Variants in EXD1 observed in about 807,000 individuals in gnomAD.
The protein encoded by EXD1 is piRNA biogenesis protein EXD1.
A neutral mutation model predicts 49.1 loss-of-function variants in EXD1; 63 were observed. That is an observed-to-expected ratio of 1.28 (90% CI 1.05 to 1.58). The LOEUF (loss-of-function observed/expected upper bound fraction) is 1.58, where lower values mean the gene tolerates loss of function less well. Ranked by LOEUF, EXD1 falls within the 40% of genes most tolerant of loss-of-function variation. EXD1 has a pLI of 0.00. For synonymous variants in EXD1, 234 were observed against 239.2 expected (o/e 0.98, Z 0.20); for missense variants, 748 against 666.0 (o/e 1.12, Z -1.36).
At chr15:41,220,998 G>A (rs1224006762) in intron 2 of EXD1, among the ~76,000 whole-genome samples, 5 of 151,770 alleles carry the variant, frequency 3.3e-5, no homozygotes, top group South Asian at 2.1e-4. Context: ...GTAAGCCACC[G>A]TGCCCAGCCT....
intron 7 of EXD1, among the ~76,000 whole-genome samples, chr15:41,200,879 AT>A (rs202230273): frequency 8.8e-4 from 127 of 144,842 alleles, no homozygotes; most frequent in Admixed American, 8.3e-4. Flanking sequence ...AGAATGTTCT[AT>A]TTTTTTTTTT....
intron 11 of EXD1, 58 bp downstream of exon 11, chr15:41,189,879 T>G: frequency 6.5e-7 from 1 of 1,549,196 alleles, no homozygotes; most frequent in Non-Finnish European, 8.9e-7. Context: ...GGTATCACTG[T>G]GTCTGCCTTC....
chr15:41,210,706 C>T (rs961223352), intron 6 of EXD1, among the ~76,000 whole-genome samples: 2 of 151,952 alleles, frequency 1.3e-5, no homozygotes, highest in Non-Finnish European at 1.5e-5. Flanking sequence ...ACCCCAGGTA[C>T]ACACTCTTGT....
At chr15:41,186,809 T>C (rs2046415126) in intron 11 of EXD1, among the ~76,000 whole-genome samples, 1 of 152,090 alleles carries the variant, frequency 6.6e-6, no homozygotes, top group South Asian at 2.1e-4. Context: ...AGTTTTGCTC[T>C]TGTTGCCCAG....
At chr15:41,220,473 T>C (rs982349616) in intron 2 of EXD1, among the ~76,000 whole-genome samples, 4 of 152,120 alleles carry the variant, frequency 2.6e-5, no homozygotes, top group Non-Finnish European at 5.9e-5. Flanking sequence ...TTAGCCAGGA[T>C]TGGCTCGATC....
rs2046354554 is a variant in EXD1 at position 41,183,570 on chromosome 15, G to A, written c.*361C>T. 5.8e-6 allele frequency: 1 copy of A among 171,858 alleles called. No individual in the cohort carries two copies. The highest frequency in any genetic ancestry group is 6.2e-5 in the Admixed American group (1 of 16,230). The allele number at this position is 171,858 out of a possible 1,614,324, so 10.6% of individuals were successfully genotyped here. ...AATAGTTTTACCAGGTCTCTTCAAAGGAATCCAAAAGTCAAGAAGCAAAAC... is the reference window on the plus strand; with the variant it reads ...AATAGTTTTACCAGGTCTCTTCAAAAGAATCCAAAAGTCAAGAAGCAAAAC... On this transcript the variant is annotated 3_prime_UTR_variant, in exon 12 of 12. Coordinates refer to ENST00000458580, the MANE Select transcript of EXD1 (RefSeq NM_001286441.2).
Position 41,189,940 on chromosome 15 carries a change from A to G in EXD1, c.1053T>C (p.Thr351=), listed in dbSNP as rs2046478911. The change falls in exon 11 of 12, where the codon ACT becomes ACC. Residue 351 remains threonine (T), a synonymous_variant. Transcript: ENST00000458580. ...GAAGACAGAGAGCTGCACCTACCTC[A>G]GTGCCTCCAAGCCGGTCTGCAGACC... ...REGSADRLGG[T]EPTCMELPEE... is the part of the protein sequence containing the mutation. 2 of 1,613,610 alleles carry G rather than the reference A, an allele frequency of 1.2e-6. No individual in the cohort carries two copies. Among genetic ancestry groups the G allele is most frequent in the Non-Finnish European group, 1.7e-6 (2 of 1,179,738 alleles).
Position 41,183,897 on chromosome 15 carries a change from C to T in EXD1, c.*34G>A, listed in dbSNP as rs371198721. Reference sequence around the variant, plus strand: ...AGCCCTGATGGCAAAGGAAATAAGCCATCTGTATGGCCTTAAGAACAAACT... The same window carrying T: ...AGCCCTGATGGCAAAGGAAATAAGCTATCTGTATGGCCTTAAGAACAAACT... On this transcript the variant is annotated 3_prime_UTR_variant, in exon 12 of 12. Coordinates refer to ENST00000458580, the MANE Select transcript of EXD1 (RefSeq NM_001286441.2). 10 of 1,531,004 alleles carry T rather than the reference C, an allele frequency of 6.5e-6. No homozygotes were observed. The highest frequency in any genetic ancestry group is 2.2e-5 in the Admixed American group (1 of 45,948). The allele number at this position is 1,531,004 out of a possible 1,614,324, so 94.8% of individuals were successfully genotyped here.
intron 2 of EXD1, among the ~76,000 whole-genome samples, chr15:41,223,689 G>C (rs751567387): frequency 5.9e-5 from 9 of 151,294 alleles, no homozygotes; most frequent in African/African-American, 2.2e-4. Flanking sequence ...GTGAAACCAC[G>C]TCTCTACTAA....
At chr15:41,225,826 T>G (rs2047155727) in intron 2 of EXD1, among the ~76,000 whole-genome samples, 1 of 149,748 alleles carries the variant, frequency 6.7e-6, no homozygotes, top group Admixed American at 6.7e-5. Context: ...AGGCGGAGGT[T>G]GCGGTGAGCT....
At chr15:41,187,092 C>A (rs2046422234) in intron 11 of EXD1, among the ~76,000 whole-genome samples, 1 of 151,764 alleles carries the variant, frequency 6.6e-6, no homozygotes, top group Non-Finnish European at 1.5e-5. Flanking sequence ...CTATGTTGGT[C>A]AGGCTGGTAT....
rs562466246 is a variant in EXD1 at position 41,212,323 on chromosome 15, C to T, written c.448-2736G>A. On this transcript the variant is annotated intron_variant, in intron 6 of 11. Coordinates refer to ENST00000458580, the MANE Select transcript of EXD1 (RefSeq NM_001286441.2). ...AAAAAAAATAAGCCGGGCGTGGTGG[C>T]GGGCACCTGTAGTCCCAGCTACTCA... Among the ~76,000 whole-genome samples the T allele has an allele frequency of 5.9e-5, 9 of 151,318 alleles. No homozygotes were observed. The South Asian group carries it at 6.3e-4, about 11-fold the overall frequency.
At chr15:41,230,372 C>T in intron 1 of EXD1, 107 bp downstream of exon 1, 1 of 1,224,732 alleles carries the variant, frequency 8.2e-7, no homozygotes. Flanking sequence ...CGTGAGCCAC[C>T]GTGCCAGGCC....
intron 7 of EXD1, among the ~76,000 whole-genome samples, chr15:41,201,543 G>A (rs1161771128): frequency 2.8e-5 from 4 of 141,620 alleles, no homozygotes; most frequent in East Asian, 4.1e-4. Flanking sequence ...AGGCTGGAGT[G>A]CAGTGGTGCG....
intron 7 of EXD1, among the ~76,000 whole-genome samples, chr15:41,200,088 T>C (rs2046704439): frequency 6.6e-6 from 1 of 151,598 alleles, no homozygotes; most frequent in South Asian, 2.1e-4. Context: ...GTATTTTGTT[T>C]AGAGATAGGG....
rs550401768 is a variant in EXD1 at position 41,213,601 on chromosome 15, C to T, written c.447+2174G>A. On this transcript the variant is annotated intron_variant, in intron 6 of 11. Transcript: ENST00000458580. ...CATGATCTCGGCTCACTGTACCCTC[C>T]ACCTCCTCCCACTCAGCCTCCCCAG... 9.9e-5 allele frequency among the ~76,000 whole-genome samples: 15 copies of T among 152,020 alleles called. No homozygotes were observed. The South Asian group carries it at 1.7e-3, about 17-fold the overall frequency.
intron 1 of EXD1, 99 bp downstream of exon 1, chr15:41,230,380 G>A: frequency 1.5e-6 from 2 of 1,322,884 alleles, no homozygotes; most frequent in South Asian, 2.4e-5. Flanking sequence ...ACCGTGCCAG[G>A]CCTACCTTTT....
chr15:41,227,454 G>A (rs1412797457), intron 1 of EXD1, among the ~76,000 whole-genome samples: 2 of 152,188 alleles, frequency 1.3e-5, no homozygotes, highest in Non-Finnish European at 2.9e-5. Context: ...CAGATAATCT[G>A]AGGTCGGGAG....
At chr15:41,214,540 T>C (rs2046972717) in intron 6 of EXD1, among the ~76,000 whole-genome samples, 1 of 151,610 alleles carries the variant, frequency 6.6e-6, no homozygotes. Flanking sequence ...CTGACTCTTC[T>C]CTGAAACTGC....
Sources: gnomAD v4.1 joint callset for allele counts (sites outside exome capture counted in the v4.1 genomes callset) on GRCh38, gnomAD v4.1.1 for gene constraint, MANE v1.5 for transcripts, NCBI Gene and HGNC (gene_info 2026-07-23, HGNC 2026-07-21) for gene names.